The following PRKCG variants were observed in gnomAD, a reference collection of about 807,000 sequenced individuals.
PRKCG encodes protein kinase C gamma, also known as protein kinase C gamma type.
A neutral mutation model predicts 82.0 loss-of-function variants in PRKCG; 28 were observed. The observed-to-expected ratio is 0.34, with a 90% CI of 0.25 to 0.47. The LOEUF is 0.47. Among genes scored for constraint, PRKCG ranks in the 20% least tolerant of loss-of-function variants. The pLI is 1.00. For synonymous variants in PRKCG, 383 were observed against 376.6 expected, an observed-to-expected ratio of 1.02 and a Z score of -0.20; for missense variants, 640 against 952.7, an observed-to-expected ratio of 0.67 and a Z score of 4.32.
rs184685619 is a variant in PRKCG, at chr19:53,894,053, G to A, written c.939+662G>A. Among the ~76,000 whole-genome samples, 574 of 144,068 alleles carry A rather than the reference G, an allele frequency of 4.0e-3. 4 individuals carry two copies. Among genetic ancestry groups the A allele is most frequent in the Non-Finnish European group, 7.2e-3 (474 of 65,804 alleles). 94.5% of individuals were successfully genotyped at this position (144,068 alleles called of 152,430 possible). A position where few individuals can be genotyped will look rare whatever the true frequency, so the allele number is the denominator to read the frequency against. On this transcript the variant is annotated intron_variant, in intron 9 of 17. Transcript: ENST00000263431. ...ATTACAGGCATGAGCCACTGCGCCC[G>A]ACCGATTCTTGAGTTTTTTATTTTT... is the stretch of plus-strand genomic sequence containing the variant.
At chr19:53,894,430 C>T (rs913995531) in intron 9 of PRKCG, among the ~76,000 whole-genome samples, 1 of 151,810 alleles carries the variant, frequency 6.6e-6, no homozygotes, top group Non-Finnish European at 1.5e-5. Flanking sequence ...TTCATTCACT[C>T]ACTGAATATC....
At position 53,891,686 on chromosome 19, in the gene PRKCG, G is replaced by A. The variant is rs1235252410; in HGVS notation, c.542G>A (p.Arg181His). 19 of 1,613,792 alleles carry A rather than the reference G, an allele frequency of 1.2e-5. No homozygotes were observed. Among genetic ancestry groups the A allele is most frequent in the East Asian group, 2.2e-5 (1 of 44,874 alleles). The change falls in exon 6 of 18, where the codon CGT (arginine) becomes CAT (histidine). Residue 181 changes from arginine to histidine, a missense_variant. This residue lies in a region of PRKCG where 261 missense variants were observed against 312.1 expected (regional missense o/e 0.84). Coordinates refer to ENST00000263431, the MANE Select transcript of PRKCG (RefSeq NM_002739.5). Reference protein sequence around the residue: ...DEIHVTVGEARNLIPMDPNGL... With the variant: ...DEIHVTVGEAHNLIPMDPNGL... ...ACTCCCCGTTTAGTTGGCGAGGCCC[G>A]TAACCTAATTCCTATGGACCCCAAT... is the stretch of plus-strand genomic sequence containing the variant.
intron 17 of PRKCG, 72 bp from the exon 18 acceptor site, chr19:53,906,635 C>A: frequency 6.4e-7 from 1 of 1,569,104 alleles, no homozygotes; most frequent in Non-Finnish European, 8.8e-7. Flanking sequence ...GGAGATGAGA[C>A]TGGGGTACAC....
chr19:53,906,271 G>A (rs941821633), intron 16 of PRKCG, 46 bp from the exon 17 acceptor site: 19 of 1,549,314 alleles, frequency 1.2e-5, no homozygotes, highest in Admixed American at 1.2e-4. Context: ...TACCTGTCCG[G>A]CACTCTGTCT....
At chr19:53,901,003 C>T (rs955707861) in intron 14 of PRKCG, among the ~76,000 whole-genome samples, 9 of 152,168 alleles carry the variant, frequency 5.9e-5, no homozygotes, top group African/African-American at 1.7e-4. Flanking sequence ...AGAGTGGGAC[C>T]AGCTCGTAGG....
In PRKCG at chr19:53,884,037, T is replaced by C; in HGVS notation, c.203-124T>C. On this transcript the variant is annotated intron_variant, in intron 2 of 17. Coordinates refer to ENST00000263431, the MANE Select transcript of PRKCG (RefSeq NM_002739.5). This position sits in a 1 kb window ranked among gnomAD's most constrained non-coding sequence, Gnocchi z 4.6. ...CTCTGTTGGACTCTCTGTGTTGAGA[T>C]CCCTCTCTTTCTGGTTTTCTCAGTG... is the stretch of plus-strand genomic sequence containing the variant. 1.1e-6 allele frequency: 1 copy of C among 897,894 alleles called. No homozygotes were observed. Among genetic ancestry groups the C allele is most frequent in the Non-Finnish European group, 1.8e-6 (1 of 555,098 alleles). The allele number at this position is 897,894 out of a possible 1,614,324, so 55.6% of individuals were successfully genotyped here.
rs991503484 is a variant in PRKCG at position 53,900,517 on chromosome 19, C to T, written c.1436+36C>T. 3.1e-6 allele frequency: 5 copies of T among 1,614,122 alleles called. No individual in the cohort carries two copies. Among genetic ancestry groups the T allele is most frequent in the East Asian group, 2.2e-5 (1 of 44,886 alleles). On this transcript the variant is annotated intron_variant, in intron 13 of 17. Coordinates refer to ENST00000263431, the MANE Select transcript of PRKCG (RefSeq NM_002739.5). The surrounding 1 kb of genome is among the most constrained non-coding windows in gnomAD (Gnocchi z 4.2). ...CCAGGAATTTCCGTGGAGGAAATCA[C>T]GCCCCTGGAAGGGAAGGGATTTGAA...
chr19:53,885,839 A>AC (rs1480402178), intron 3 of PRKCG, among the ~76,000 whole-genome samples: 2 of 150,796 alleles, frequency 1.3e-5, no homozygotes, highest in Non-Finnish European at 3.0e-5. Flanking sequence ...GTGATTGATG[A>AC]CCCCCCTCGT....
chr19:53,895,090 G>C (rs2068708005), intron 9 of PRKCG, among the ~76,000 whole-genome samples: 1 of 152,194 alleles, frequency 6.6e-6, no homozygotes, highest in South Asian at 2.1e-4. Flanking sequence ...TTGTGTGCCA[G>C]GCGTGGCTCT....
At chr19:53,885,703 G>A (rs984576078) in intron 3 of PRKCG, among the ~76,000 whole-genome samples, 5 of 152,088 alleles carry the variant, frequency 3.3e-5, no homozygotes, top group Non-Finnish European at 7.4e-5. Flanking sequence ...GAGGCAGAGA[G>A]AGAGAGATCC....
Position 53,906,912 on chromosome 19 carries a change from T to C in PRKCG, c.*17T>C. ...GTCATGTAATCTCACCCGCCGCCAC[T>C]AGGTGTCCCCAACGTCCCCTCCGCC... On this transcript the variant is annotated 3_prime_UTR_variant, in exon 18 of 18. Coordinates refer to ENST00000263431, the MANE Select transcript of PRKCG (RefSeq NM_002739.5). The C allele has an allele frequency of 6.2e-7, 1 of 1,613,226 alleles. No homozygotes were observed. The highest frequency in any genetic ancestry group is 2.2e-5 in the East Asian group (1 of 44,810).
In PRKCG at chr19:53,889,930, T is replaced by C; in HGVS notation, c.442T>C (p.Ser148Pro). The change falls in exon 5 of 18, where the codon TCC (serine) becomes CCC (proline). Residue 148 changes from serine to proline, a missense_variant. Coordinates refer to ENST00000263431, the MANE Select transcript of PRKCG (RefSeq NM_002739.5). The surrounding 1 kb of genome is among the most constrained non-coding windows in gnomAD (Gnocchi z 4.4). Reference sequence around the variant, plus strand: ...CCGGCGCTGTGTGCGTAGCGTGCCCTCCCTGTGCGGTGTGGACCACACCGA... The same window carrying C: ...CCGGCGCTGTGTGCGTAGCGTGCCCCCCCTGTGCGGTGTGGACCACACCGA... ...VHRRCVRSVP[S>P]LCGVDHTERR... 6.3e-7 allele frequency: 1 copy of C among 1,582,822 alleles called. No individual in the cohort carries two copies. Among genetic ancestry groups the C allele is most frequent in the Admixed American group, 1.8e-5 (1 of 55,698 alleles).
rs552125864 is a variant in PRKCG, at chr19:53,892,752, G to A, written c.821+109G>A. 875 of 1,097,802 alleles carry A rather than the reference G, an allele frequency of 8.0e-4. 6 individuals carry two copies. In the African/African-American group the frequency reaches 0.013, roughly 16 times the overall value. The allele number at this position is 1,097,802 out of a possible 1,614,324, so 68.0% of individuals were successfully genotyped here. A position where few individuals can be genotyped will look rare whatever the true frequency, so the allele number is the denominator to read the frequency against. On this transcript the variant is annotated intron_variant, in intron 7 of 17. Coordinates refer to ENST00000263431, the MANE Select transcript of PRKCG (RefSeq NM_002739.5). The surrounding 1 kb of genome is among the most constrained non-coding windows in gnomAD (Gnocchi z 5.9). ...TCCTTCCCTCTGCCTCCCAGCATGC[G>A]CACACACACACACACACACACACAC...
chr19:53,884,814 A>G lies in PRKCG; in HGVS notation c.285+571A>G, dbSNP rs1458882103. ...AAATAGAAAATGGTGGATACAGACA[A>G]CAGCTTAGGAGATGCTGAGAGGAGA... On this transcript the variant is annotated intron_variant, in intron 3 of 17. Transcript: ENST00000263431. The surrounding 1 kb of genome is among the most constrained non-coding windows in gnomAD (Gnocchi z 4.6). 4.6e-5 allele frequency among the ~76,000 whole-genome samples: 7 copies of G among 152,314 alleles called. No homozygotes were observed. In the East Asian group the frequency reaches 5.8e-4, roughly 13 times the overall value.
At chr19:53,890,376 C>T (rs927952380) in intron 5 of PRKCG, among the ~76,000 whole-genome samples, 3 of 152,000 alleles carry the variant, frequency 2.0e-5, no homozygotes, top group African/African-American at 7.2e-5. Context: ...CCTGCCTCAG[C>T]CTCCCGAGTA....
rs1201553998 is a variant in PRKCG at position 53,898,374 on chromosome 19, G to A, written c.1093-66G>A. ...ATCCCGTTTCCCTGCGTCCCTTAGG[G>A]AGGGGGCAGGTCCTGTACCACTGGG... On this transcript the variant is annotated intron_variant, in intron 10 of 17. Coordinates refer to ENST00000263431, the MANE Select transcript of PRKCG (RefSeq NM_002739.5). 2.5e-6 allele frequency: 4 copies of A among 1,587,728 alleles called. No homozygotes were observed. In the Admixed American group the frequency reaches 6.7e-5, roughly 26 times the overall value.
chr19:53,893,387 A>G lies in PRKCG; in HGVS notation c.935A>G (p.Tyr312Cys). The G allele has an allele frequency of 6.2e-7, 1 of 1,613,500 alleles. No individual in the cohort carries two copies. The highest frequency in any genetic ancestry group is 1.7e-4 in the Middle Eastern group (1 of 6,058). Reference sequence around the variant, plus strand: ...GCTTGTAACTACCCCCTGGAATTGTATGAGGTGAGTAGAACCAGGGCGTTG... The same window carrying G: ...GCTTGTAACTACCCCCTGGAATTGTGTGAGGTGAGTAGAACCAGGGCGTTG... Reference protein sequence around the residue: ...FEACNYPLELYERVRMGPSSS... With the variant: ...FEACNYPLELCERVRMGPSSS... Residue 312 changes from tyrosine (Y) to cysteine (C), a missense_variant, in exon 9 of 18, where the codon TAT becomes TGT. Around this residue, in one of 7 missense-constraint regions of PRKCG, gnomAD observed 261 missense variants for 312.1 expected, o/e 0.84. Transcript: ENST00000263431.
At chr19:53,897,269 A>C (rs2068724411) in intron 9 of PRKCG, among the ~76,000 whole-genome samples, 1 of 152,170 alleles carries the variant, frequency 6.6e-6, no homozygotes, top group South Asian at 2.1e-4. Flanking sequence ...TGAGTAGAGA[A>C]TGCATTAGAA....
Position 53,904,729 on chromosome 19 carries a change from C to A in PRKCG, c.1751C>A (p.Ala584Asp). The change falls in exon 16 of 18, where the codon GCC becomes GAC. Residue 584 changes from alanine (A) to aspartate (D), a missense_variant. This residue lies in a region of PRKCG where 198 missense variants were observed against 273.4 expected (regional missense o/e 0.72). Transcript: ENST00000263431. The part of the protein sequence containing the change: ...YPKSLSREAV[A>D]ICKGFLTKHP... Reference sequence around the variant, plus strand: ...AAGTCGCTTTCCCGGGAAGCCGTGGCCATCTGCAAGGGGGTGAGAGCCCCC... The same window carrying A: ...AAGTCGCTTTCCCGGGAAGCCGTGGACATCTGCAAGGGGGTGAGAGCCCCC... 1 of 1,613,596 alleles carries A rather than the reference C, an allele frequency of 6.2e-7. No individual in the cohort carries two copies. Among genetic ancestry groups the A allele is most frequent in the Non-Finnish European group, 8.5e-7 (1 of 1,179,798 alleles).
Sources: allele counts gnomAD v4.1 joint callset (sites outside exome capture counted in the v4.1 genomes callset), GRCh38; gene constraint gnomAD v4.1.1; regional missense constraint gnomAD v4.1.1; non-coding constraint Gnocchi (gnomAD v3.1); transcripts MANE v1.5; gene names NCBI Gene and HGNC (gene_info 2026-07-23, HGNC 2026-07-21).